Variants in INSL6 observed in about 807,000 individuals in gnomAD.
The protein encoded by INSL6 is insulin like 6.
A neutral mutation model predicts 9.4 loss-of-function variants in INSL6; 16 were observed. The observed-to-expected ratio is 1.70, with a 90% CI of 1.15 to 2.59. The LOEUF (loss-of-function observed/expected upper bound fraction) is 2.59, where lower values mean the gene tolerates loss of function less well. Ranked by LOEUF, INSL6 falls within the 30% of genes most tolerant of loss-of-function variation. The pLI, the probability that INSL6 is intolerant of heterozygous loss-of-function variation, is 0.00. For synonymous variants in INSL6, 154 were observed against 96.9 expected, an observed-to-expected ratio of 1.59 and a Z score of -3.46; for missense variants, 391 against 257.3, an observed-to-expected ratio of 1.52 and a Z score of -3.56.
chr9:5,145,629 A>G (rs750036301), intron 2 of INSL6, among the ~76,000 whole-genome samples: 2 of 152,038 alleles, frequency 1.3e-5, no homozygotes, highest in African/African-American at 2.4e-5. Context: ...ACACAATCCC[A>G]TATTTCTTGG....
At chr9:5,004,049 A>G in the INSL6 span, among the ~76,000 whole-genome samples, 25 of 152,190 alleles carry the variant, frequency 1.6e-4, no homozygotes, top group African/African-American at 5.8e-4. Flanking sequence ...ATGGTGTACA[A>G]CATGACATTT....
chr9:5,101,749 G>A, the INSL6 span, among the ~76,000 whole-genome samples: 34 of 152,334 alleles, frequency 2.2e-4, no homozygotes, highest in African/African-American at 7.5e-4. Context: ...TGCAGATACC[G>A]AGGCAAACAG....
At chr9:5,143,989 G>A (rs1232534961) in intron 2 of INSL6, among the ~76,000 whole-genome samples, 1 of 152,032 alleles carries the variant, frequency 6.6e-6, no homozygotes, top group East Asian at 1.9e-4. Flanking sequence ...CATTTTTCCT[G>A]TCTGTATCTC....
At chr9:5,118,635 G>A in the INSL6 span, among the ~76,000 whole-genome samples, 6 of 152,102 alleles carry the variant, frequency 3.9e-5, no homozygotes, top group African/African-American at 1.4e-4. Context: ...CATAAATTCT[G>A]TGTTCATTTT....
At chr9:5,153,821 G>C (rs1437598044) in intron 2 of INSL6, among the ~76,000 whole-genome samples, 1 of 152,186 alleles carries the variant, frequency 6.6e-6, no homozygotes, top group Non-Finnish European at 1.5e-5. Context: ...GGAAATAAGA[G>C]AGGACACAAA....
intron 2 of INSL6, among the ~76,000 whole-genome samples, chr9:5,152,607 A>G (rs1277586341): frequency 3.9e-5 from 6 of 152,230 alleles, no homozygotes; most frequent in Admixed American, 6.5e-5. Flanking sequence ...GTAATTTCAG[A>G]AACTAGAAAA....
At chr9:5,102,872 C>G in the INSL6 span, among the ~76,000 whole-genome samples, 1 of 152,104 alleles carries the variant, frequency 6.6e-6, no homozygotes, top group Non-Finnish European at 1.5e-5. Context: ...CCAGGCCTGC[C>G]TTACAAGATC....
At chr9:5,075,206 G>A in the INSL6 span, among the ~76,000 whole-genome samples, 2 of 152,286 alleles carry the variant, frequency 1.3e-5, no homozygotes, top group African/African-American at 4.8e-5. Flanking sequence ...GCAAGGTGAA[G>A]CAGCAAATGC....
At chr9:5,092,285 G>GCA in the INSL6 span, among the ~76,000 whole-genome samples, 1 of 152,036 alleles carries the variant, frequency 6.6e-6, no homozygotes, top group Non-Finnish European at 1.5e-5. Flanking sequence ...CACGAAGCAC[G>GCA]CACACACTGC....
the INSL6 span, among the ~76,000 whole-genome samples, chr9:5,005,347 A>G: frequency 2.6e-5 from 4 of 151,476 alleles, no homozygotes; most frequent in Non-Finnish European, 5.9e-5. Flanking sequence ...TTTCTTATCT[A>G]TTTTGGATAT....
the INSL6 span, among the ~76,000 whole-genome samples, chr9:5,071,585 C>T: frequency 6.6e-6 from 1 of 152,164 alleles, no homozygotes; most frequent in East Asian, 1.9e-4. Flanking sequence ...TAGTGAACCT[C>T]AAGACAGATC....
chr9:5,170,109 AC>A (rs1417833415), intron 1 of INSL6, among the ~76,000 whole-genome samples: 1 of 152,076 alleles, frequency 6.6e-6, no homozygotes, highest in East Asian at 1.9e-4. Flanking sequence ...GAAGTAAAAC[AC>A]TCCTCAGCAA....
At chr9:5,020,383 C>T in the INSL6 span, among the ~76,000 whole-genome samples, 1 of 152,108 alleles carries the variant, frequency 6.6e-6, no homozygotes, top group East Asian at 1.9e-4. Flanking sequence ...CTGAGCTGGG[C>T]AGGGTGAGAG....
the INSL6 span, among the ~76,000 whole-genome samples, chr9:5,021,234 C>G: frequency 1.3e-5 from 2 of 152,182 alleles, no homozygotes; most frequent in African/African-American, 4.8e-5. Context: ...TCCGTGTTCT[C>G]TCTTAGATGA....
chr9:5,168,663 A>G (rs1420270795), intron 1 of INSL6, among the ~76,000 whole-genome samples: 1 of 152,140 alleles, frequency 6.6e-6, no homozygotes, highest in East Asian at 1.9e-4. Flanking sequence ...ACACTACAGT[A>G]TATCATCCAG....
chr9:5,105,388 C>A, the INSL6 span, among the ~76,000 whole-genome samples: 1 of 152,190 alleles, frequency 6.6e-6, no homozygotes, highest in South Asian at 2.1e-4. Context: ...AGGAAAACTA[C>A]AAACCACTGC....
At chr9:5,050,167 T>C in the INSL6 span, among the ~76,000 whole-genome samples, 455 of 152,344 alleles carry the variant, frequency 3.0e-3, 4 homozygotes, top group African/African-American at 0.01. Flanking sequence ...TTTAATGAAA[T>C]AGGTTGATGT....
the INSL6 span, among the ~76,000 whole-genome samples, chr9:5,049,591 T>G: frequency 6.6e-6 from 1 of 152,238 alleles, no homozygotes; most frequent in South Asian, 2.1e-4. Context: ...GTGCTTCCTA[T>G]ATCATGTCTG....
chr9:5,134,276 T>G (rs551415740), intron 2 of INSL6, among the ~76,000 whole-genome samples: 2 of 152,154 alleles, frequency 1.3e-5, no homozygotes, highest in South Asian at 4.1e-4. Context: ...CTTCAGGATA[T>G]TATCCACGAG....
Sources: gnomAD v4.1 joint callset for allele counts (sites outside exome capture counted in the v4.1 genomes callset) on GRCh38, gnomAD v4.1.1 for gene constraint, MANE v1.5 for transcripts, NCBI Gene and HGNC (gene_info 2026-07-23, HGNC 2026-07-21) for gene names.